The following HNF4A variants were observed in gnomAD, a reference collection of about 807,000 sequenced individuals.
HNF4A encodes the protein hepatocyte nuclear factor 4-alpha.
Under a neutral mutation model 52.4 loss-of-function variants are expected in HNF4A, and 15 were observed. The observed-to-expected ratio is 0.29, with a 90% CI of 0.19 to 0.44. The LOEUF (loss-of-function observed/expected upper bound fraction) is 0.44, where lower values mean the gene tolerates loss of function less well. HNF4A is among the 20% of genes least tolerant of loss of function. HNF4A has a pLI of 1.00. For missense variants in HNF4A, 479 were observed against 647.2 expected (o/e 0.74, Z 2.82); for synonymous variants, 280 against 264.4 (o/e 1.06, Z -0.57).
At position 44,419,149 on chromosome 20, in the gene HNF4A, C is replaced by T. The variant is rs146591794; in HGVS notation, c.737-572C>T. Among the ~76,000 whole-genome samples, 37 of 152,304 alleles carry T rather than the reference C, an allele frequency of 2.4e-4. No homozygotes were observed. In the East Asian group the frequency reaches 6.8e-3, roughly 28 times the overall value. On this transcript the variant is annotated intron_variant, in intron 6 of 9. Transcript: ENST00000316099. ...AAGAATGGCACAAAGCCCCAGCCCG[C>T]GTCACCTGTGCCTTCATGGCATAGT...
chr20:44,393,204 C>T (rs1172916755), intron 1 of HNF4A, among the ~76,000 whole-genome samples: 1 of 152,204 alleles, frequency 6.6e-6, no homozygotes, highest in Non-Finnish European at 1.5e-5. Context: ...CCCAAGGTCA[C>T]CCCTGCAGAT....
At chr20:44,390,584 C>T (rs2063290445) in intron 1 of HNF4A, 1 of 702,096 alleles carries the variant, frequency 1.4e-6, no homozygotes, top group Non-Finnish European at 2.6e-6. Flanking sequence ...AGCAGGAGCT[C>T]CCTCAAGGAT....
At chr20:44,411,971 C>T (rs556832904) in intron 3 of HNF4A, among the ~76,000 whole-genome samples, 3 of 151,614 alleles carry the variant, frequency 2.0e-5, no homozygotes, top group African/African-American at 4.9e-5. Flanking sequence ...GCAGGAGGAT[C>T]GCTTGAGCCC....
chr20:44,383,098 A>G (rs1568701137), intron 1 of HNF4A, among the ~76,000 whole-genome samples: 2 of 152,112 alleles, frequency 1.3e-5, no homozygotes, highest in African/African-American at 4.8e-5. Flanking sequence ...GAGCCTGGAG[A>G]CTTGGAGGCT....
At chr20:44,398,055 G>A (rs955764144), upstream of HNF4A, among the ~76,000 whole-genome samples, 3 of 152,138 alleles carry the variant, frequency 2.0e-5, no homozygotes, top group East Asian at 5.8e-4. Flanking sequence ...AGGAGTTTTT[G>A]TCTGTTATGT....
rs190304478 is a variant in HNF4A at position 44,374,684 on chromosome 20, G to A, written c.49+18831G>A. ...TTACCATGTTAGCCAGGTTGGTCTC[G>A]AACTCCTGACCTCAGGTGATCCGCC... On this transcript the variant is annotated intron_variant, in intron 1 of 9. Transcript: ENST00000316673. 7.9e-5 allele frequency among the ~76,000 whole-genome samples: 12 copies of A among 152,212 alleles called. No individual in the cohort carries two copies. The East Asian group carries it at 1.4e-3, about 17-fold the overall frequency.
At chr20:44,410,860 G>A (rs941477041) in intron 3 of HNF4A, among the ~76,000 whole-genome samples, 27 of 152,094 alleles carry the variant, frequency 1.8e-4, no homozygotes, top group Middle Eastern at 3.4e-3. Context: ...AGCTTGGGAG[G>A]CACATTTCTT....
At chr20:44,375,414 G>A (rs2063074566) in intron 1 of HNF4A, among the ~76,000 whole-genome samples, 1 of 151,854 alleles carries the variant, frequency 6.6e-6, no homozygotes, top group African/African-American at 2.4e-5. Flanking sequence ...AGTTTAATTA[G>A]GTGTCACTTG....
intron 1 of HNF4A, among the ~76,000 whole-genome samples, chr20:44,393,382 C>T (rs958605323): frequency 1.3e-5 from 2 of 152,220 alleles, no homozygotes; most frequent in South Asian, 2.1e-4. Context: ...ACCATACTCT[C>T]TGCCCTACCT....
chr20:44,372,482 T>G (rs149526827), intron 1 of HNF4A, among the ~76,000 whole-genome samples: 2 of 152,354 alleles, frequency 1.3e-5, no homozygotes, highest in East Asian at 3.9e-4. Flanking sequence ...TCTTCTAGAA[T>G]TCTCCACATG....
rs550862522 is a variant in HNF4A at position 44,387,084 on chromosome 20, C to T, written c.50-18974C>T. ...CTGGGAGGCCGAGGTGGGTGGATCA[C>T]CTGAGGTCAGGAGTTTGAGATCAGC... is the stretch of plus-strand genomic sequence containing the variant. On this transcript the variant is annotated intron_variant, in intron 1 of 9. Transcript: ENST00000316673. Among the ~76,000 whole-genome samples the T allele has an allele frequency of 3.9e-5, 6 of 151,968 alleles. No homozygotes were observed. The East Asian group carries it at 1.2e-3, about 30-fold the overall frequency.
intron 1 of HNF4A, among the ~76,000 whole-genome samples, chr20:44,392,811 C>A (rs1277019740): frequency 6.6e-6 from 1 of 152,200 alleles, no homozygotes; most frequent in African/African-American, 2.4e-5. Context: ...GGACACCCAG[C>A]AGCTTACATG....
rs541400263 is a variant in HNF4A, at chr20:44,419,645, A to T, written c.737-76A>T. On this transcript the variant is annotated intron_variant, in intron 6 of 9. Transcript: ENST00000316099. ...CCCACAGGCACCAGCTATCTTGCCA[A>T]CTTAAAAGCCAAAACTAGAGGAGAG... 4.0e-5 allele frequency: 58 copies of T among 1,460,666 alleles called. No individual in the cohort carries two copies. The South Asian group carries it at 6.1e-4, about 15-fold the overall frequency. 90.5% of individuals were successfully genotyped at this position (1,460,666 alleles called of 1,614,324 possible). A position where few individuals can be genotyped will look rare whatever the true frequency, so the allele number is the denominator to read the frequency against.
intron 1 of HNF4A, among the ~76,000 whole-genome samples, chr20:44,377,263 C>T (rs1286048457): frequency 2.6e-5 from 4 of 151,962 alleles, no homozygotes; most frequent in Non-Finnish European, 5.9e-5. Flanking sequence ...AAGATGGGAA[C>T]AATAGGCACT....
chr20:44,367,497 A>C (rs907959784), intron 1 of HNF4A, among the ~76,000 whole-genome samples: 1 of 149,912 alleles, frequency 6.7e-6, no homozygotes, highest in Non-Finnish European at 1.5e-5. Context: ...TACAAAAATT[A>C]GCTGGGTGTG....
upstream of HNF4A, among the ~76,000 whole-genome samples, chr20:44,397,631 CTTT>C (rs915875557): frequency 5.0e-4 from 72 of 144,596 alleles, no homozygotes; most frequent in African/African-American, 1.7e-3. Flanking sequence ...AGAAAACATT[CTTT>C]TTTTTTTTTT....
At chr20:44,406,374 T>G in intron 2 of HNF4A, 142 bp downstream of exon 2, 2 of 720,968 alleles carry the variant, frequency 2.8e-6, no homozygotes, top group Admixed American at 4.8e-5. Context: ...TGTAAAAGAC[T>G]TTGTGAATCC....
intron 1 of HNF4A, among the ~76,000 whole-genome samples, chr20:44,394,949 A>G (rs2063339970): frequency 1.3e-5 from 2 of 152,260 alleles, no homozygotes; most frequent in African/African-American, 4.8e-5. Flanking sequence ...GGGCCCAGTT[A>G]TCAGTTAACC....
At chr20:44,361,253 C>T (rs1490356017) in intron 1 of HNF4A, among the ~76,000 whole-genome samples, 2 of 152,234 alleles carry the variant, frequency 1.3e-5, no homozygotes, top group South Asian at 2.1e-4. Context: ...GGGTGAGTTC[C>T]AAGAGTCTGT....
Sources: gnomAD v4.1 joint callset for allele counts (sites outside exome capture counted in the v4.1 genomes callset) on GRCh38, gnomAD v4.1.1 for gene constraint, MANE v1.5 for transcripts, NCBI Gene and HGNC (gene_info 2026-07-23, HGNC 2026-07-21) for gene names.